The following XRCC6 variants were observed in gnomAD, a reference collection of about 807,000 sequenced individuals.
XRCC6 encodes DNA repair protein Ku70.
A neutral mutation model predicts 65.7 loss-of-function variants in XRCC6; 5 were observed. The ratio of observed to expected loss-of-function variants is 0.08; its 90% CI spans 0.04 to 0.16. The LOEUF is 0.16. Among genes scored for constraint, XRCC6 ranks in the 10% least tolerant of loss-of-function variants. XRCC6 has a pLI of 1.00. For missense variants in XRCC6, 447 were observed against 738.1 expected, an observed-to-expected ratio of 0.61 and a Z score of 4.57; for synonymous variants, 270 against 270.6, an observed-to-expected ratio of 1.00 and a Z score of 0.02.
chr22:41,646,367 T>G (rs1794423421), intron 6 of XRCC6, among the ~76,000 whole-genome samples: 1 of 151,882 alleles, frequency 6.6e-6, no homozygotes, highest in African/African-American at 2.4e-5. Flanking sequence ...GATGATTAAA[T>G]GAGAGAATAG....
At chr22:41,647,614 A>G (rs990144512) in intron 7 of XRCC6, among the ~76,000 whole-genome samples, 33 of 150,120 alleles carry the variant, frequency 2.2e-4, no homozygotes, top group Non-Finnish European at 3.0e-4. Context: ...GTGTCTCGCT[A>G]TGTTGCCTGG....
rs547529160 is a variant in XRCC6 at position 41,622,057 on chromosome 22, A to G, written c.53A>G (p.Glu18Gly). 1 of 1,614,232 alleles carries G rather than the reference A, an allele frequency of 6.2e-7. No individual in the cohort carries two copies. Among genetic ancestry groups the G allele is most frequent in the Admixed American group, 1.7e-5 (1 of 60,030 alleles). ...ACCGAGGGCGATGAAGAAGCAGAGG[A>G]AGAACAAGAAGAGAACCTTGAAGCA... ...YKTEGDEEAE[E>G]EQEENLEASG... Residue 18 changes from glutamate to glycine, a missense_variant, in exon 2 of 13, where the codon GAA becomes GGA. By Grantham distance (98) the Glu-to-Gly change is moderately conservative. Around this residue, in one of 4 missense-constraint regions of XRCC6, gnomAD observed 228 missense variants for 307.4 expected, o/e 0.74. Coordinates refer to ENST00000360079, the MANE Select transcript of XRCC6 (RefSeq NM_001469.5).
intron 3 of XRCC6, among the ~76,000 whole-genome samples, chr22:41,631,710 A>G (rs1416429983): frequency 6.6e-6 from 1 of 151,326 alleles, no homozygotes; most frequent in Non-Finnish European, 1.5e-5. Flanking sequence ...GACACTCCTC[A>G]CTTCCCAGAC....
intron 6 of XRCC6, among the ~76,000 whole-genome samples, chr22:41,639,340 T>C (rs1236641606): frequency 2.5e-5 from 3 of 121,136 alleles, no homozygotes; most frequent in Admixed American, 8.3e-5. Flanking sequence ...TTTTTTTTTT[T>C]TTTTTTTTTT....
At chr22:41,644,103 C>T (rs1322345263) in intron 6 of XRCC6, among the ~76,000 whole-genome samples, 3 of 152,110 alleles carry the variant, frequency 2.0e-5, no homozygotes, top group Admixed American at 6.6e-5. Context: ...GCCGAGATGG[C>T]GCCACTGCAC....
intron 2 of XRCC6, among the ~76,000 whole-genome samples, chr22:41,626,631 G>GT (rs921225213): frequency 0.029 from 3,179 of 111,270 alleles, 175 homozygotes; most frequent in Non-Finnish European, 0.04. Context: ...ATGTTTGTTT[G>GT]TTTTTTTTTT....
chr22:41,661,185 G>A, intron 11 of XRCC6, 146 bp from the exon 12 acceptor site: 1 of 658,500 alleles, frequency 1.5e-6, no homozygotes, highest in Non-Finnish European at 2.6e-6. Flanking sequence ...AAGGTACTTG[G>A]TAAATGCTGG....
intron 2 of XRCC6, among the ~76,000 whole-genome samples, chr22:41,625,883 A>G (rs2067664509): frequency 6.6e-6 from 1 of 152,180 alleles, no homozygotes; most frequent in Non-Finnish European, 1.5e-5. Context: ...CTCTGTCGCC[A>G]GGCTGGAGTG....
At chr22:41,624,825 G>A (rs952646281) in intron 2 of XRCC6, among the ~76,000 whole-genome samples, 2 of 148,090 alleles carry the variant, frequency 1.4e-5, no homozygotes, top group Non-Finnish European at 3.0e-5. Flanking sequence ...GTGAAACCCT[G>A]TGTCTACTAA....
chr22:41,638,768 C>G (rs2067839562), intron 6 of XRCC6, among the ~76,000 whole-genome samples: 1 of 127,322 alleles, frequency 7.9e-6, no homozygotes, highest in African/African-American at 3.3e-5. Context: ...CAAAGTGAGA[C>G]TCCGCCTCAA....
chr22:41,628,113 C>T lies in XRCC6; in HGVS notation c.83-5C>T, dbSNP rs2067698560. 6.3e-7 allele frequency: 1 copy of T among 1,598,062 alleles called. No homozygotes were observed. Among genetic ancestry groups the T allele is most frequent in the Non-Finnish European group, 8.6e-7 (1 of 1,168,968 alleles). On this transcript the variant is annotated splice_region_variant and splice_polypyrimidine_tract_variant and intron_variant, in intron 2 of 12. Transcript: ENST00000360079. ...AAACATTTTCTTCCATTTTTTTCCC[C>T]ATAGGAGACTATAAATATTCAGGAA...
rs1373691610 is a variant in XRCC6 at position 41,621,976 on chromosome 22, C to T, written c.-15-14C>T. ...TAAATTTGCCTGTTACTGACGTTAA[C>T]GTCTTTCGCCTAGTGAGCAGTAGCC... On this transcript the variant is annotated splice_polypyrimidine_tract_variant and intron_variant, in intron 1 of 12. Transcript: ENST00000360079. 3.1e-6 allele frequency: 5 copies of T among 1,612,928 alleles called. No individual in the cohort carries two copies. The highest frequency in any genetic ancestry group is 1.3e-5 in the African/African-American group (1 of 74,918).
chr22:41,650,069 G>A (rs2067980548), intron 7 of XRCC6, among the ~76,000 whole-genome samples: 1 of 151,812 alleles, frequency 6.6e-6, no homozygotes, highest in African/African-American at 2.4e-5. Flanking sequence ...TGCTTTGTGT[G>A]TCAGGGATGG....
rs768011409 is a variant in XRCC6, at chr22:41,657,048, G to A, written c.1421+16G>A. ...TCACATACAGGTGAGTCAATCTCAG[G>A]CTTTCTGGAACTGCCTCCTGAGTTG... On this transcript the variant is annotated intron_variant, in intron 10 of 12. Transcript: ENST00000360079. The A allele has an allele frequency of 7.1e-6, 11 of 1,550,708 alleles. No homozygotes were observed. Among genetic ancestry groups the A allele is most frequent in the Admixed American group, 4.4e-5 (2 of 45,632 alleles).
chr22:41,656,841 T>G, intron 9 of XRCC6, 62 bp from the exon 10 acceptor site: 2 of 1,606,630 alleles, frequency 1.2e-6, no homozygotes, highest in Non-Finnish European at 1.7e-6. Flanking sequence ...AATTTGGAGC[T>G]GAGAAACAAG....
At chr22:41,641,049 T>G (rs2067869892) in intron 6 of XRCC6, among the ~76,000 whole-genome samples, 1 of 152,152 alleles carries the variant, frequency 6.6e-6, no homozygotes, top group African/African-American at 2.4e-5. Flanking sequence ...AAGACCAGCC[T>G]GGGCAACCCA....
At chr22:41,630,366 C>T (rs1411092227) in intron 3 of XRCC6, among the ~76,000 whole-genome samples, 3 of 152,028 alleles carry the variant, frequency 2.0e-5, no homozygotes, top group Non-Finnish European at 4.4e-5. Context: ...CCACCTCAGC[C>T]TCCTGTGTGG....
intron 2 of XRCC6, among the ~76,000 whole-genome samples, chr22:41,622,659 G>A (rs560843263): frequency 1.8e-4 from 27 of 152,182 alleles, no homozygotes; most frequent in Admixed American, 1.8e-3. Flanking sequence ...AATGAGAAAC[G>A]GCCAGGCGCG....
chr22:41,645,698 CT>C (rs909409152), intron 6 of XRCC6, among the ~76,000 whole-genome samples: 1,686 of 134,964 alleles, frequency 0.012, 21 homozygotes, highest in African/African-American at 0.037. Context: ...ATTCTTTCTT[CT>C]TTTTTTTTTT....
Sources: allele counts gnomAD v4.1 joint callset (sites outside exome capture counted in the v4.1 genomes callset), GRCh38; gene constraint gnomAD v4.1.1; regional missense constraint gnomAD v4.1.1; transcripts MANE v1.5; gene names NCBI Gene and HGNC (gene_info 2026-07-23, HGNC 2026-07-21).